Variants in SECISBP2 observed in about 807,000 individuals in gnomAD.
The protein encoded by SECISBP2 is SECIS binding protein 2.
SECISBP2 carries 96 observed loss-of-function variants against 98.2 expected under a neutral mutation model. The observed-to-expected ratio is 0.98, with a 90% CI of 0.83 to 1.16. The LOEUF (loss-of-function observed/expected upper bound fraction) is 1.16, where lower values mean the gene tolerates loss of function less well. SECISBP2 is among the 50% of genes most tolerant of loss of function. The pLI, the probability that SECISBP2 is intolerant of heterozygous loss-of-function variation, is 0.00. For synonymous variants in SECISBP2, 407 were observed against 370.2 expected, an observed-to-expected ratio of 1.10 and a Z score of -1.14; for missense variants, 1,046 against 1,022.9, an observed-to-expected ratio of 1.02 and a Z score of -0.31.
chr9:89,333,969 G>A, intron 6 of SECISBP2: 3 of 1,004,158 alleles, frequency 3.0e-6, no homozygotes, highest in Non-Finnish European at 3.6e-6. Flanking sequence ...ACAGGCTGCT[G>A]ACAGGTGTTC....
At position 89,345,572 on chromosome 9, in the gene SECISBP2, T is replaced by C. The variant is rs577008127; in HGVS notation, c.1436-1310T>C. Among the ~76,000 whole-genome samples, 47 of 152,254 alleles carry C rather than the reference T, an allele frequency of 3.1e-4. 1 individual carries two copies. The highest frequency in any genetic ancestry group is 1.1e-3 in the African/African-American group (47 of 41,540). ...TGTTTGGCAGTTCTGTTGAACTTCG[T>C]GGTTGTTTTTGTGGGAGGGAATGGT... On this transcript the variant is annotated intron_variant, in intron 10 of 16. Transcript: ENST00000375807.
At chr9:89,319,054 A>C (rs1825218389) in intron 1 of SECISBP2, 1 of 1,011,120 alleles carries the variant, frequency 9.9e-7, no homozygotes, top group Non-Finnish European at 1.2e-6. Context: ...AGACCCATAA[A>C]ATTCTCGGTG....
At chr9:89,363,258 C>G (rs77928964), downstream of SECISBP2, among the ~76,000 whole-genome samples, 1 of 145,084 alleles carries the variant, frequency 6.9e-6, no homozygotes, top group Non-Finnish European at 1.5e-5. Flanking sequence ...AGCAACAAGA[C>G]GTGGGATTTC....
intron 2 of SECISBP2, chr9:89,324,470 GTTA>G (rs1564320679): frequency 6.6e-6 from 1 of 152,238 alleles, no homozygotes; most frequent in Non-Finnish European, 1.5e-5. Context: ...AGCAGTAAAC[GTTA>G]TTATATTATA....
intron 14 of SECISBP2, among the ~76,000 whole-genome samples, chr9:89,353,935 A>G (rs1273279895): frequency 1.3e-5 from 2 of 152,246 alleles, no homozygotes; most frequent in African/African-American, 2.4e-5. Flanking sequence ...TATTTTATAA[A>G]TATTTGCCAG....
rs549681199 is a variant in SECISBP2 at position 89,355,664 on chromosome 9, G to T, written c.2114-1747G>T. The T allele has an allele frequency of 8.1e-5, 48 of 595,156 alleles. No homozygotes were observed. The African/African-American group carries it at 9.3e-4, about 11-fold the overall frequency. The allele number at this position is 595,156 out of a possible 1,614,324, so 36.9% of individuals were successfully genotyped here. A position where few individuals can be genotyped will look rare whatever the true frequency, so the allele number is the denominator to read the frequency against. ...TATTTCATTTTTTAGTTGCATCTAGGTATTGTGTTATTTCTCAGCCTTCCC... is the reference window on the plus strand; with the variant it reads ...TATTTCATTTTTTAGTTGCATCTAGTTATTGTGTTATTTCTCAGCCTTCCC... On this transcript the variant is annotated intron_variant, in intron 14 of 16. Coordinates refer to ENST00000375807, the MANE Select transcript of SECISBP2 (RefSeq NM_024077.5).
At chr9:89,358,661 T>G (rs1832471623) in intron 16 of SECISBP2, 60 bp from the exon 17 acceptor site, 1 of 1,137,118 alleles carries the variant, frequency 8.8e-7, no homozygotes, top group African/African-American at 1.5e-5. Flanking sequence ...CTGGTTTTCT[T>G]ACAGGAGTTT....
intron 4 of SECISBP2, among the ~76,000 whole-genome samples, chr9:89,327,814 T>G (rs1215004167): frequency 6.7e-6 from 1 of 148,416 alleles, no homozygotes; most frequent in Non-Finnish European, 1.5e-5. Context: ...CGTTTTGTGT[T>G]TTTTTTTTTT....
downstream of SECISBP2, among the ~76,000 whole-genome samples, chr9:89,363,221 A>G (rs890378141): frequency 6.6e-6 from 1 of 152,176 alleles, no homozygotes. Context: ...GGCTGGGGCC[A>G]GATGCCCCTT....
At chr9:89,319,891 T>G in intron 2 of SECISBP2, 94 bp downstream of exon 2, 1 of 1,296,690 alleles carries the variant, frequency 7.7e-7, no homozygotes, top group Non-Finnish European at 1.1e-6. Flanking sequence ...TGCACTAAAG[T>G]TCTGCAGATG....
chr9:89,362,404 A>G (rs780585657), downstream of SECISBP2: 7 of 1,614,074 alleles, frequency 4.3e-6, no homozygotes, highest in Non-Finnish European at 5.9e-6. Context: ...CCTGGTGGCT[A>G]CAGGGTGTCC....
intron 16 of SECISBP2, among the ~76,000 whole-genome samples, 158 bp downstream of exon 16, chr9:89,358,349 T>C (rs1444024450): frequency 6.6e-6 from 1 of 152,152 alleles, no homozygotes; most frequent in Non-Finnish European, 1.5e-5. Context: ...TTATCAGACT[T>C]TTGAAGTGGG....
Position 89,358,734 on chromosome 9 carries a change from A to T in SECISBP2, c.2475A>T (p.Lys825Asn). The change falls in exon 17 of 17, where the codon AAA (lysine) becomes AAT (asparagine). Residue 825 changes from lysine to asparagine, a missense_variant. Coordinates refer to ENST00000375807, the MANE Select transcript of SECISBP2 (RefSeq NM_024077.5). ...KEEPHYIEIW[K>N]KHLEAYSGCT... ...TTCTCATTTTAGTTGAAATCTGGAA[A>T]AAACATCTGGAAGCATACAGTGGAT... 6.2e-7 allele frequency: 1 copy of T among 1,613,142 alleles called. No individual in the cohort carries two copies. Among genetic ancestry groups the T allele is most frequent in the Non-Finnish European group, 8.5e-7 (1 of 1,179,076 alleles).
At chr9:89,351,151 G>A (rs1247783236) in intron 14 of SECISBP2, among the ~76,000 whole-genome samples, 2 of 152,230 alleles carry the variant, frequency 1.3e-5, no homozygotes, top group Non-Finnish European at 2.9e-5. Context: ...CCCTGGGGCT[G>A]GGATTGTCAC....
chr9:89,336,053 A>AT (rs1167936624), intron 7 of SECISBP2, among the ~76,000 whole-genome samples: 3 of 61,432 alleles, frequency 4.9e-5, no homozygotes, highest in South Asian at 4.7e-4. Flanking sequence ...TTCAGAATAG[A>AT]TTTTTTTCCC....
At chr9:89,325,284 T>G in intron 2 of SECISBP2, 143 bp from the exon 3 acceptor site, 1 of 735,688 alleles carries the variant, frequency 1.4e-6, no homozygotes. Context: ...GAGATTTTAT[T>G]TGGCTTTTAA....
At chr9:89,318,853 C>G (rs1825171576) in intron 1 of SECISBP2, 11 of 1,265,646 alleles carry the variant, frequency 8.7e-6, no homozygotes, top group Non-Finnish European at 8.9e-6. Context: ...GCGATGTCAC[C>G]CAGCGCAGTG....
chr9:89,332,133 G>A lies in SECISBP2; in HGVS notation c.802-775G>A, dbSNP rs796638303. Among the ~76,000 whole-genome samples, 7 of 151,970 alleles carry A rather than the reference G, an allele frequency of 4.6e-5. No homozygotes were observed. In the East Asian group the frequency reaches 1.3e-3, roughly 29 times the overall value. On this transcript the variant is annotated intron_variant, in intron 5 of 16. Transcript: ENST00000375807. ...TTTGAAATGGAAAGTAACTGCTTAG[G>A]CTTTTTTAAAAAAATAGATTTTATG...
At chr9:89,346,338 G>A (rs995775830) in intron 10 of SECISBP2, among the ~76,000 whole-genome samples, 1 of 152,166 alleles carries the variant, frequency 6.6e-6, no homozygotes, top group Admixed American at 6.5e-5. Context: ...TGCCCATGAT[G>A]GGATTTTGGA....
Sources: gnomAD v4.1 joint callset for allele counts (sites outside exome capture counted in the v4.1 genomes callset) on GRCh38, gnomAD v4.1.1 for gene constraint, MANE v1.5 for transcripts, NCBI Gene and HGNC (gene_info 2026-07-23, HGNC 2026-07-21) for gene names.